The following THSD7B variants were observed in gnomAD, a reference collection of about 807,000 sequenced individuals.
THSD7B encodes thrombospondin type-1 domain-containing protein 7B.
A neutral mutation model predicts 213.6 loss-of-function variants in THSD7B; 138 were observed. The ratio of observed to expected loss-of-function variants is 0.65; its 90% CI spans 0.56 to 0.74. The LOEUF is 0.74. THSD7B is among the 30% of genes least tolerant of loss of function. The pLI, the probability that THSD7B is intolerant of heterozygous loss-of-function variation, is 0.00. For synonymous variants in THSD7B, 742 were observed against 687.0 expected (o/e 1.08, Z -1.25); for missense variants, 1,931 against 1,991.5 (o/e 0.97, Z 0.58).
intron 2 of THSD7B, among the ~76,000 whole-genome samples, chr2:136,973,203 T>G (rs1031030785): frequency 6.6e-6 from 1 of 152,314 alleles, no homozygotes; most frequent in Admixed American, 6.5e-5. Context: ...CAGTCTTCTC[T>G]TTCCTCTAGA....
At chr2:137,150,506 A>G (rs952234367) in intron 5 of THSD7B, among the ~76,000 whole-genome samples, 11 of 151,822 alleles carry the variant, frequency 7.2e-5, no homozygotes, top group African/African-American at 2.7e-4. Context: ...CCCCCCCTAC[A>G]CTCTGCACTT....
chr2:137,240,712 G>T (rs781208151), intron 9 of THSD7B, among the ~76,000 whole-genome samples: 15 of 152,082 alleles, frequency 9.9e-5, no homozygotes, highest in Non-Finnish European at 1.8e-4. Flanking sequence ...ACAGGGTCTG[G>T]CTGTGTTGCC....
intron 3 of THSD7B, among the ~76,000 whole-genome samples, chr2:137,073,329 T>C (rs1350725831): frequency 1.3e-5 from 2 of 152,222 alleles, no homozygotes; most frequent in African/African-American, 4.8e-5. Context: ...TGGTTTAGTC[T>C]TGGGAGGATG....
At chr2:137,381,392 C>T (rs1334946826) in intron 12 of THSD7B, among the ~76,000 whole-genome samples, 2 of 152,190 alleles carry the variant, frequency 1.3e-5, no homozygotes, top group Non-Finnish European at 2.9e-5. Context: ...GGTGAGGACC[C>T]TCCAGACGCA....
intron 12 of THSD7B, among the ~76,000 whole-genome samples, chr2:137,357,594 G>A (rs1685160889): frequency 6.6e-6 from 1 of 152,090 alleles, no homozygotes; most frequent in South Asian, 2.1e-4. Context: ...CAGTTGTGAG[G>A]CAATCTGGAC....
intron 12 of THSD7B, among the ~76,000 whole-genome samples, chr2:137,313,920 C>G (rs907041637): frequency 1.3e-5 from 2 of 150,958 alleles, no homozygotes; most frequent in Admixed American, 6.6e-5. Context: ...CCCGACCTTT[C>G]TCTCTGGCTG....
At chr2:137,575,500 T>G (rs1199244019) in intron 17 of THSD7B, among the ~76,000 whole-genome samples, 4 of 152,014 alleles carry the variant, frequency 2.6e-5, no homozygotes, top group Non-Finnish European at 5.9e-5. Flanking sequence ...TTTGAATGAA[T>G]GGATTACTGA....
intron 4 of THSD7B, among the ~76,000 whole-genome samples, chr2:137,099,150 T>C (rs1394474842): frequency 6.6e-6 from 1 of 152,138 alleles, no homozygotes; most frequent in African/African-American, 2.4e-5. Flanking sequence ...TAAATTTGCT[T>C]GTCAGTTGCC....
At chr2:137,170,358 G>C (rs186165327) in intron 6 of THSD7B, among the ~76,000 whole-genome samples, 2 of 152,202 alleles carry the variant, frequency 1.3e-5, no homozygotes, top group East Asian at 3.9e-4. Context: ...CGAATGCAGC[G>C]TAACAAGAAT....
At chr2:137,363,586 A>G (rs1379914488) in intron 12 of THSD7B, among the ~76,000 whole-genome samples, 3 of 152,186 alleles carry the variant, frequency 2.0e-5, no homozygotes, top group Non-Finnish European at 4.4e-5. Flanking sequence ...AATACAAACT[A>G]CCATCAGAGA....
chr2:136,840,683 G>A (rs944637279), intron 1 of THSD7B, among the ~76,000 whole-genome samples: 7 of 152,136 alleles, frequency 4.6e-5, no homozygotes, highest in African/African-American at 1.7e-4. Context: ...CCTAAAGATG[G>A]GGGTCACTGG....
At chr2:136,929,498 G>T (rs549033) in intron 2 of THSD7B, among the ~76,000 whole-genome samples, 2 of 151,920 alleles carry the variant, frequency 1.3e-5, no homozygotes, top group Non-Finnish European at 2.9e-5. Context: ...TAGGTTTTAG[G>T]TTCTGTGCAT....
chr2:137,568,704 T>C (rs1157779126), intron 16 of THSD7B, among the ~76,000 whole-genome samples: 1 of 152,090 alleles, frequency 6.6e-6, no homozygotes, highest in Non-Finnish European at 1.5e-5. Context: ...TCAGACTTCG[T>C]GAAAATTCAC....
intron 10 of THSD7B, among the ~76,000 whole-genome samples, chr2:137,260,280 G>A (rs1682411080): frequency 6.6e-6 from 1 of 151,984 alleles, no homozygotes. Flanking sequence ...GTTTTAAAGA[G>A]TTATTGTCTT....
intron 15 of THSD7B, among the ~76,000 whole-genome samples, chr2:137,557,868 A>T (rs1573707113): frequency 6.6e-6 from 1 of 151,948 alleles, no homozygotes; most frequent in African/African-American, 2.4e-5. Context: ...CGCAATAAAA[A>T]ATGATAAGGG....
chr2:137,132,242 CTT>C lies in THSD7B; in HGVS notation c.1369+16951_1369+16952del, dbSNP rs1688747583. ...TGTACATTGATTTTGTTTCCTGAGA[CTT>C]TGCTGAAGTTGCTTATCAGCTTAAG... On this transcript the variant is annotated intron_variant, in intron 5 of 27. Coordinates refer to ENST00000409968, the MANE Select transcript of THSD7B (RefSeq NM_001316349.2). 9.9e-5 allele frequency among the ~76,000 whole-genome samples: 15 copies of C among 151,358 alleles called. No individual in the cohort carries two copies. In the South Asian group the frequency reaches 3.1e-3, roughly 32 times the overall value.
At chr2:137,305,375 G>A (rs531125885) in intron 12 of THSD7B, among the ~76,000 whole-genome samples, 3 of 152,114 alleles carry the variant, frequency 2.0e-5, no homozygotes, top group Non-Finnish European at 4.4e-5. Flanking sequence ...GAAACTTGGA[G>A]TCTACAGGAC....
intron 2 of THSD7B, among the ~76,000 whole-genome samples, chr2:136,945,521 G>C (rs1435143523): frequency 6.6e-6 from 1 of 152,156 alleles, no homozygotes; most frequent in East Asian, 1.9e-4. Context: ...TGGTCTGCCT[G>C]TCTAGGTTGG....
At chr2:137,298,491 A>G (rs1015755234) in intron 12 of THSD7B, among the ~76,000 whole-genome samples, 4 of 152,132 alleles carry the variant, frequency 2.6e-5, no homozygotes, top group Non-Finnish European at 5.9e-5. Context: ...CAAGAAGCCT[A>G]ATGTTAATCC....
Sources: gnomAD v4.1 joint callset for allele counts (sites outside exome capture counted in the v4.1 genomes callset) on GRCh38, gnomAD v4.1.1 for gene constraint, MANE v1.5 for transcripts, NCBI Gene and HGNC (gene_info 2026-07-23, HGNC 2026-07-21) for gene names.